CCDC186: variants seen among roughly 807,000 people sequenced by gnomAD.
CCDC186 encodes the protein coiled-coil domain-containing protein 186.
A neutral mutation model predicts 113.7 loss-of-function variants in CCDC186; 49 were observed. That is an observed-to-expected ratio of 0.43 (90% CI 0.34 to 0.55). The LOEUF (loss-of-function observed/expected upper bound fraction) is 0.55, where lower values mean the gene tolerates loss of function less well. Among genes scored for constraint, CCDC186 ranks in the 20% least tolerant of loss-of-function variants. The pLI, the probability that CCDC186 is intolerant of heterozygous loss-of-function variation, is 0.02. For synonymous variants in CCDC186, 355 were observed against 345.8 expected, an observed-to-expected ratio of 1.03 and a Z score of -0.30; for missense variants, 890 against 1,011.1, an observed-to-expected ratio of 0.88 and a Z score of 1.62.
At chr10:114,135,767 G>A in intron 9 of CCDC186, 124 bp downstream of exon 9, 1 of 751,586 alleles carries the variant, frequency 1.3e-6, no homozygotes. Flanking sequence ...CTACTCTACT[G>A]AGTTCCTTTA....
intron 1 of CCDC186, among the ~76,000 whole-genome samples, chr10:114,169,944 C>T (rs1266397372): frequency 5.3e-5 from 8 of 152,096 alleles, no homozygotes; most frequent in Admixed American, 1.3e-4. Context: ...GTCATTCAGG[C>T]TGGAATGCAG....
intron 2 of CCDC186, chr10:114,162,425 T>G: frequency 5.0e-6 from 2 of 398,234 alleles, no homozygotes; most frequent in Non-Finnish European, 8.8e-6. Context: ...GTTAATACAT[T>G]TACACTATTT....
intron 1 of CCDC186, among the ~76,000 whole-genome samples, chr10:114,164,875 G>T (rs923273855): frequency 6.6e-6 from 1 of 152,180 alleles, no homozygotes; most frequent in African/African-American, 2.4e-5. Flanking sequence ...GGCTAAGCAG[G>T]AGTGAATTTT....
chr10:114,129,655 G>A (rs976943643), intron 13 of CCDC186, among the ~76,000 whole-genome samples: 19 of 151,988 alleles, frequency 1.3e-4, no homozygotes, highest in African/African-American at 4.1e-4. Flanking sequence ...TCAGCCTCCC[G>A]AGTAGCTGGG....
intron 5 of CCDC186, 37 bp downstream of exon 5, chr10:114,145,512 A>C: frequency 6.7e-7 from 1 of 1,491,660 alleles, no homozygotes; most frequent in Non-Finnish European, 9.0e-7. Flanking sequence ...ACAAATTTCA[A>C]ATAAGGTCAA....
rs1439625975 is a variant in CCDC186, at chr10:114,151,642, C to G, written c.760-422G>C. Among the ~76,000 whole-genome samples the G allele has an allele frequency of 2.6e-5, 4 of 152,214 alleles. No individual in the cohort carries two copies. The East Asian group carries it at 7.7e-4, about 29-fold the overall frequency. Reference sequence around the variant, plus strand: ...GTTGTCTCACTATGTCTCACTGAGACTGTGAGTCATCCCTTTGTCCAGCAT... The same window carrying G: ...GTTGTCTCACTATGTCTCACTGAGAGTGTGAGTCATCCCTTTGTCCAGCAT... On this transcript the variant is annotated intron_variant, in intron 3 of 15. Transcript: ENST00000369287.
Position 114,123,349 on chromosome 10 carries a change from G to A in CCDC186, c.*1794C>T. ...TTGAAGTGAAAAGATATTTTTTTTG[G>A]GATAACATCTAATTCAATATATAGA... On this transcript the variant is annotated 3_prime_UTR_variant, in exon 16 of 16. Transcript: ENST00000369287. 6.6e-6 allele frequency: 1 copy of A among 151,458 alleles called. No individual in the cohort carries two copies. Among genetic ancestry groups the A allele is most frequent in the Non-Finnish European group, 1.5e-5 (1 of 67,780 alleles). 9.4% of individuals were successfully genotyped at this position (151,458 alleles called of 1,614,324 possible). A position where few individuals can be genotyped will look rare whatever the true frequency, so the allele number is the denominator to read the frequency against.
chr10:114,146,792 TGAA>T (rs1445482893), intron 4 of CCDC186, among the ~76,000 whole-genome samples: 1 of 152,206 alleles, frequency 6.6e-6, no homozygotes, highest in Non-Finnish European at 1.5e-5. Context: ...GCAACTGAAT[TGAA>T]GAAGGTAACT....
At chr10:114,126,991 C>G (rs1472765697) in intron 14 of CCDC186, among the ~76,000 whole-genome samples, 1 of 152,098 alleles carries the variant, frequency 6.6e-6, no homozygotes, top group African/African-American at 2.4e-5. Flanking sequence ...CCCCACTTAT[C>G]TGCAAAATTA....
chr10:114,128,509 G>GT (rs1370974451), intron 13 of CCDC186, among the ~76,000 whole-genome samples: 17 of 152,258 alleles, frequency 1.1e-4, no homozygotes, highest in Middle Eastern at 3.4e-3. Context: ...GCAATATAGT[G>GT]TACTGCCAAG....
chr10:114,147,707 AGAAGCTCT>A (rs746544457), intron 4 of CCDC186, among the ~76,000 whole-genome samples: 20 of 152,382 alleles, frequency 1.3e-4, no homozygotes, highest in Admixed American at 5.2e-4. Context: ...TTTATAAATC[AGAAGCTCT>A]TATTAAAATG....
intron 1 of CCDC186, among the ~76,000 whole-genome samples, 198 bp from the exon 2 acceptor site, chr10:114,163,527 T>C (rs1312829808): frequency 3.3e-5 from 5 of 152,174 alleles, no homozygotes; most frequent in Non-Finnish European, 7.4e-5. Context: ...GTAGGGCCAC[T>C]GCAAAGTCTG....
intron 12 of CCDC186, 183 bp downstream of exon 12, chr10:114,130,964 A>T: frequency 2.3e-6 from 1 of 444,442 alleles, no homozygotes; most frequent in Non-Finnish European, 3.8e-6. Context: ...CCTTTAGCAT[A>T]CAAGATATCC....
intron 1 of CCDC186, among the ~76,000 whole-genome samples, chr10:114,170,358 T>TAGAA (rs1177258293): frequency 6.6e-6 from 1 of 152,094 alleles, no homozygotes; most frequent in Non-Finnish European, 1.5e-5. Flanking sequence ...AACAGGGTCT[T>TAGAA]TTTCTGTCAC....
chr10:114,133,814 G>T (rs1042770700), intron 10 of CCDC186, among the ~76,000 whole-genome samples: 14 of 152,196 alleles, frequency 9.2e-5, no homozygotes, highest in Non-Finnish European at 1.9e-4. Context: ...AACATAGGAA[G>T]TGAGGAAACG....
intron 2 of CCDC186, among the ~76,000 whole-genome samples, chr10:114,161,450 A>G (rs143754887): frequency 6.6e-6 from 1 of 152,288 alleles, no homozygotes; most frequent in African/African-American, 2.4e-5. Flanking sequence ...CTTATAATTT[A>G]TAAGGGAGGT....
chr10:114,141,303 C>T (rs578192860), intron 6 of CCDC186, among the ~76,000 whole-genome samples: 13 of 152,244 alleles, frequency 8.5e-5, no homozygotes, highest in African/African-American at 2.9e-4. Flanking sequence ...TAAATTTATG[C>T]TTTTAGGTGC....
At chr10:114,165,025 C>T (rs919906635) in intron 1 of CCDC186, among the ~76,000 whole-genome samples, 1 of 152,106 alleles carries the variant, frequency 6.6e-6, no homozygotes, top group Non-Finnish European at 1.5e-5. Context: ...ATTTGAGAAA[C>T]ATTATTCTAG....
At chr10:114,167,403 C>T (rs1266576189) in intron 1 of CCDC186, among the ~76,000 whole-genome samples, 1 of 152,044 alleles carries the variant, frequency 6.6e-6, no homozygotes, top group African/African-American at 2.4e-5. Flanking sequence ...AATAGCTGCA[C>T]AAGAGTGGTA....
Sources: allele counts gnomAD v4.1 joint callset (sites outside exome capture counted in the v4.1 genomes callset), GRCh38; gene constraint gnomAD v4.1.1; transcripts MANE v1.5; gene names NCBI Gene and HGNC (gene_info 2026-07-23, HGNC 2026-07-21).